CDADC1: variants seen among roughly 807,000 people sequenced by gnomAD.
CDADC1 encodes dCTP deaminase.
In CDADC1, 39 loss-of-function variants were observed where a neutral mutation model predicts 54.9. That is an observed-to-expected ratio of 0.71 (90% CI 0.55 to 0.93). CDADC1 has a LOEUF of 0.93. Ranked by LOEUF, CDADC1 falls within the 40% of genes least tolerant of loss-of-function variation. The pLI is 0.00. For synonymous variants in CDADC1, 186 were observed against 204.0 expected (o/e 0.91, Z 0.75); for missense variants, 518 against 618.8 (o/e 0.84, Z 1.73).
At chr13:49,270,002 G>A (rs952369879) in intron 5 of CDADC1, among the ~76,000 whole-genome samples, 2 of 151,730 alleles carry the variant, frequency 1.3e-5, no homozygotes, top group Admixed American at 6.6e-5. Context: ...TTTTTACATG[G>A]AACTCAAATC....
In CDADC1 at chr13:49,274,075, G is replaced by GGTA. The variant is rs1375168084; in HGVS notation, c.1001-213_1001-211dup. On this transcript the variant is annotated intron_variant, in intron 5 of 9. Transcript: ENST00000251108. ...CCACATACGTATGTGTGACTGAGTTGGTAGTGACTCTCTCTAGTTATTTGG... is the reference window on the plus strand; with the variant it reads ...CCACATACGTATGTGTGACTGAGTTGGTAGTAGTGACTCTCTCTAGTTATTTGG... 3.3e-5 allele frequency among the ~76,000 whole-genome samples: 5 copies of GGTA among 152,222 alleles called. No homozygotes were observed. In the East Asian group the frequency reaches 9.7e-4, roughly 29 times the overall value.
At chr13:49,248,391 C>G in intron 1 of CDADC1, 1 of 417,886 alleles carries the variant, frequency 2.4e-6, no homozygotes, top group Non-Finnish European at 4.3e-6. Flanking sequence ...CTGAACATTT[C>G]CAAACGGCGC....
chr13:49,288,233 A>C (rs545065111), intron 9 of CDADC1, among the ~76,000 whole-genome samples: 1 of 152,312 alleles, frequency 6.6e-6, no homozygotes, highest in South Asian at 2.1e-4. Context: ...TGACAGTTCA[A>C]CTGAACAGTT....
intron 6 of CDADC1, among the ~76,000 whole-genome samples, chr13:49,275,825 G>A (rs1387292836): frequency 6.9e-6 from 1 of 145,730 alleles, no homozygotes; most frequent in Non-Finnish European, 1.5e-5. Context: ...CTGGAGTGCA[G>A]TGGTGCAGTC....
intron 9 of CDADC1, among the ~76,000 whole-genome samples, chr13:49,287,969 C>T (rs964127708): frequency 1.4e-5 from 2 of 143,596 alleles, no homozygotes; most frequent in African/African-American, 5.4e-5. Flanking sequence ...TGAGACCCTG[C>T]CTTAAAAAAA....
rs910364880 is a variant in CDADC1, at chr13:49,248,173, G to C, written c.82+54G>C. 4.2e-6 allele frequency: 6 copies of C among 1,427,612 alleles called. No homozygotes were observed. The African/African-American group carries it at 5.7e-5, about 13-fold the overall frequency. 88.4% of individuals were successfully genotyped at this position (1,427,612 alleles called of 1,614,324 possible). A position where few individuals can be genotyped will look rare whatever the true frequency, so the allele number is the denominator to read the frequency against. On this transcript the variant is annotated intron_variant, in intron 1 of 9. Transcript: ENST00000251108. ...CCCTACCTTTCGCTCTGCCCTGTGC[G>C]TCTCCCGTCATTGAACTCCAGATTC...
Position 49,280,699 on chromosome 13 carries a change from G to C in CDADC1, c.1410+1G>C. 1 of 1,563,770 alleles carries C rather than the reference G, an allele frequency of 6.4e-7. No individual in the cohort carries two copies. Among genetic ancestry groups the C allele is most frequent in the Non-Finnish European group, 8.6e-7 (1 of 1,157,046 alleles). Reference sequence around the variant, plus strand: ...GCTTGAAGGTGTTAGCAAATTTACGGTAAGTAGATACACATTTTTTTCAGG... The same window carrying C: ...GCTTGAAGGTGTTAGCAAATTTACGCTAAGTAGATACACATTTTTTTCAGG... On this transcript the variant is annotated splice_donor_variant, in intron 8 of 9. Transcript: ENST00000251108. LOFTEE classifies it high-confidence loss of function.
chr13:49,280,065 T>G (rs1953270921), intron 7 of CDADC1, among the ~76,000 whole-genome samples: 1 of 152,204 alleles, frequency 6.6e-6, no homozygotes. Flanking sequence ...AGGTACCAGA[T>G]AGGGCTGTGT....
chr13:49,250,144 T>C (rs547156848), intron 2 of CDADC1, among the ~76,000 whole-genome samples: 1 of 152,300 alleles, frequency 6.6e-6, no homozygotes, highest in Admixed American at 6.5e-5. Flanking sequence ...TACAAAGTTG[T>C]AGTTATATTC....
intron 8 of CDADC1, 107 bp downstream of exon 8, chr13:49,280,805 A>AATTATTATTATTATT (rs10626538): frequency 0.015 from 3,445 of 228,244 alleles, 50 homozygotes; most frequent in African/African-American, 0.038. Context: ...AGTTTCAACA[A>AATTATTATTATTATT]ATTATTATTA....
At chr13:49,271,986 A>G (rs1952976589) in intron 5 of CDADC1, among the ~76,000 whole-genome samples, 1 of 152,232 alleles carries the variant, frequency 6.6e-6, no homozygotes, top group African/African-American at 2.4e-5. Context: ...TTAAAAGACA[A>G]GTAGTAAAGA....
intron 4 of CDADC1, among the ~76,000 whole-genome samples, chr13:49,262,083 A>G (rs188539538): frequency 6.6e-6 from 1 of 152,350 alleles, no homozygotes; most frequent in Admixed American, 6.5e-5. Context: ...GTTGTAGCAC[A>G]GTGGTTCTCC....
intron 4 of CDADC1, among the ~76,000 whole-genome samples, chr13:49,266,760 A>C (rs73186814): frequency 6.6e-6 from 1 of 152,004 alleles, no homozygotes; most frequent in Non-Finnish European, 1.5e-5. Context: ...ATGTGCATGC[A>C]TGAGATTTCT....
Position 49,248,907 on chromosome 13 carries a change from C to G in CDADC1, c.119C>G (p.Thr40Ser), listed in dbSNP as rs2138186680. 1 of 1,612,838 alleles carries G rather than the reference C, an allele frequency of 6.2e-7. No individual in the cohort carries two copies. Among genetic ancestry groups the G allele is most frequent in the East Asian group, 2.2e-5 (1 of 44,882 alleles). Residue 40 changes from threonine (T) to serine (S), a missense_variant, in exon 2 of 10, where the codon ACT becomes AGT. Physicochemically the swap from Thr to Ser is moderately conservative, Grantham distance 58. Coordinates refer to ENST00000251108, the MANE Select transcript of CDADC1 (RefSeq NM_030911.4). ...AGGCTTTCTAAAGTCAACCTTTTCA[C>G]TCTGCTCAGCCTCTGGATGGAGCTC... ...IPRLSKVNLF[T>S]LLSLWMELFP... is the part of the protein sequence containing the mutation.
chr13:49,267,990 A>T lies in CDADC1; in HGVS notation c.931A>T (p.Asn311Tyr). The T allele has an allele frequency of 6.2e-7, 1 of 1,614,070 alleles. No homozygotes were observed. The highest frequency in any genetic ancestry group is 8.5e-7 in the Non-Finnish European group (1 of 1,180,002). The change falls in exon 5 of 10, where the codon AAT (asparagine) becomes TAT (tyrosine). Residue 311 changes from asparagine to tyrosine, a missense_variant. Asn to Tyr is a moderately radical substitution (Grantham distance 143). Coordinates refer to ENST00000251108, the MANE Select transcript of CDADC1 (RefSeq NM_030911.4). ...SNPEQINEIHNQSLPQEIARH... is the reference protein window; with the variant it reads ...SNPEQINEIHYQSLPQEIARH... ...TCCAGAACAGATTAATGAAATTCACAATCAAAGTTTGCCACAGGAAATTGC... is the reference window on the plus strand; with the variant it reads ...TCCAGAACAGATTAATGAAATTCACTATCAAAGTTTGCCACAGGAAATTGC...
In CDADC1 at chr13:49,278,524, G is replaced by A; in HGVS notation, c.1220+5G>A. On this transcript the variant is annotated splice_donor_5th_base_variant and intron_variant, in intron 7 of 9. Coordinates refer to ENST00000251108, the MANE Select transcript of CDADC1 (RefSeq NM_030911.4). ...ACAGAATGCCTTGACATTTAGGTAT[G>A]AAATCCTTCTTGGTGTACTTTTCTT... 1 of 1,491,776 alleles carries A rather than the reference G, an allele frequency of 6.7e-7. No homozygotes were observed. Among genetic ancestry groups the A allele is most frequent in the Admixed American group, 1.8e-5 (1 of 55,054 alleles). The allele number at this position is 1,491,776 out of a possible 1,614,324, so 92.4% of individuals were successfully genotyped here. A position where few individuals can be genotyped will look rare whatever the true frequency, so the allele number is the denominator to read the frequency against.
chr13:49,251,315 GGA>G (rs1952425708), intron 2 of CDADC1, among the ~76,000 whole-genome samples: 1 of 151,718 alleles, frequency 6.6e-6, no homozygotes, highest in Non-Finnish European at 1.5e-5. Flanking sequence ...GGCTGAGGCA[GGA>G]GAAACACTTG....
At chr13:49,284,780 T>A (rs1242989599) in intron 8 of CDADC1, among the ~76,000 whole-genome samples, 1 of 152,202 alleles carries the variant, frequency 6.6e-6, no homozygotes, top group African/African-American at 2.4e-5. Context: ...AGGCTCGTGA[T>A]GTTAACTAGT....
chr13:49,288,289 G>A (rs973526951), intron 9 of CDADC1, among the ~76,000 whole-genome samples: 2 of 152,140 alleles, frequency 1.3e-5, no homozygotes, highest in Non-Finnish European at 2.9e-5. Flanking sequence ...ATCTCAGTAA[G>A]CAATACCCCA....
Sources: gnomAD v4.1 joint callset for allele counts (sites outside exome capture counted in the v4.1 genomes callset) on GRCh38, gnomAD v4.1.1 for gene constraint, MANE v1.5 for transcripts, NCBI Gene and HGNC (gene_info 2026-07-23, HGNC 2026-07-21) for gene names.